DPP6: variants seen among roughly 807,000 people sequenced by gnomAD.
DPP6 encodes the protein A-type potassium channel modulatory protein DPP6.
Under a neutral mutation model 122.6 loss-of-function variants are expected in DPP6, and 69 were observed. The ratio of observed to expected loss-of-function variants is 0.56; its 90% CI spans 0.46 to 0.69. DPP6 has a LOEUF of 0.69. DPP6 is among the 30% of genes least tolerant of loss of function. The probability of loss-of-function intolerance (pLI) is 0.00; values close to 1 mark genes in which losing one functional copy is unlikely to be tolerated. For synonymous variants in DPP6, 418 were observed against 433.1 expected, an observed-to-expected ratio of 0.97 and a Z score of 0.43; for missense variants, 928 against 1,116.9, an observed-to-expected ratio of 0.83 and a Z score of 2.41.
At chr7:154,889,805 G>T in intron 25 of DPP6, 1 of 475,392 alleles carries the variant, frequency 2.1e-6, no homozygotes, top group Non-Finnish European at 3.7e-6. Flanking sequence ...CCCTCCTCCG[G>T]GCAGTGAGAA....
At chr7:154,221,216 C>T (rs1316930549) in intron 1 of DPP6, among the ~76,000 whole-genome samples, 1 of 152,172 alleles carries the variant, frequency 6.6e-6, no homozygotes, top group Non-Finnish European at 1.5e-5. Context: ...CCTCGGCTCA[C>T]TGCAACTTCC....
chr7:153,921,882 G>A (rs1162505810), intron 1 of DPP6, among the ~76,000 whole-genome samples: 1 of 152,232 alleles, frequency 6.6e-6, no homozygotes, highest in African/African-American at 2.4e-5. Flanking sequence ...AAGTTAGCTG[G>A]GTCTGAGGAG....
intron 1 of DPP6, among the ~76,000 whole-genome samples, chr7:154,263,795 A>G (rs970258168): frequency 6.6e-6 from 1 of 152,062 alleles, no homozygotes; most frequent in Non-Finnish European, 1.5e-5. Flanking sequence ...GGTTCAAGTG[A>G]TTCTCCTGCC....
chr7:154,838,738 A>G (rs1398958266), intron 16 of DPP6: 6 of 152,250 alleles, frequency 3.9e-5, no homozygotes, highest in African/African-American at 1.4e-4. Flanking sequence ...GTGCCTCCTT[A>G]TAAGTGACCT....
At chr7:153,930,863 G>A (rs1801139007) in intron 1 of DPP6, among the ~76,000 whole-genome samples, 1 of 152,150 alleles carries the variant, frequency 6.6e-6, no homozygotes, top group South Asian at 2.1e-4. Flanking sequence ...GGAGGGACTG[G>A]GTTTGGGGAA....
chr7:154,883,113 ACATG>A (rs1370148490), intron 21 of DPP6, among the ~76,000 whole-genome samples: 21 of 150,872 alleles, frequency 1.4e-4, no homozygotes, highest in African/African-American at 3.2e-4. Flanking sequence ...GCTCTCACAT[ACATG>A]TGCTCACACA....
chr7:153,766,577 A>G, the DPP6 span, among the ~76,000 whole-genome samples: 1 of 152,290 alleles, frequency 6.6e-6, no homozygotes, highest in Non-Finnish European at 1.5e-5. Context: ...CAGTGAAGAT[A>G]CAAGAGTGAC....
At chr7:154,725,277 T>A (rs1305736677) in intron 7 of DPP6, among the ~76,000 whole-genome samples, 2 of 152,166 alleles carry the variant, frequency 1.3e-5, no homozygotes, top group African/African-American at 4.8e-5. Context: ...AATAATCCAA[T>A]TTGATATTGT....
chr7:154,061,639 G>A (rs1187507302), intron 1 of DPP6, among the ~76,000 whole-genome samples: 2 of 122,008 alleles, frequency 1.6e-5, no homozygotes, highest in East Asian at 4.5e-4. Flanking sequence ...CACCCGCTGC[G>A]AGGCGGGGAC....
In DPP6 at chr7:154,827,199, G is replaced by GAC. The variant is rs113467683; in HGVS notation, c.1666+20112_1666+20113dup. ...CTACACTGAAATCCACCCCCTCCCA[G>GAC]ACACACACACACACACACACACACA... On this transcript the variant is annotated intron_variant, in intron 16 of 25. Transcript: ENST00000377770. Among the ~76,000 whole-genome samples the GAC allele has an allele frequency of 1.3e-3, 188 of 146,636 alleles. 1 individual carries two copies. The highest frequency in any genetic ancestry group is 4.4e-3 in the East Asian group (22 of 5,034).
rs1398186230 is a variant in DPP6, at chr7:154,420,579, CA to C, written c.244-25634del. Among the ~76,000 whole-genome samples the C allele has an allele frequency of 3.3e-5, 5 of 152,120 alleles. No individual in the cohort carries two copies. The East Asian group carries it at 7.7e-4, about 24-fold the overall frequency. ...GGGGTGGGTAGGGCATGAGGAAATA[CA>C]GTCAAAAAATGCAAAGTTTCCATTT... On this transcript the variant is annotated intron_variant, in intron 1 of 25. Transcript: ENST00000377770.
At chr7:154,456,656 T>C (rs1309924570) in intron 2 of DPP6, among the ~76,000 whole-genome samples, 4 of 152,186 alleles carry the variant, frequency 2.6e-5, no homozygotes, top group Non-Finnish European at 4.4e-5. Flanking sequence ...TGTGGCTACA[T>C]TAAGCATCTG....
At chr7:154,138,540 TG>T (rs1306302700) in intron 1 of DPP6, among the ~76,000 whole-genome samples, 1 of 152,134 alleles carries the variant, frequency 6.6e-6, no homozygotes. Flanking sequence ...AACTTGGCTA[TG>T]GTGGATCAAG....
At chr7:154,313,129 C>T (rs1807051968) in intron 1 of DPP6, among the ~76,000 whole-genome samples, 1 of 152,106 alleles carries the variant, frequency 6.6e-6, no homozygotes, top group African/African-American at 2.4e-5. Flanking sequence ...CCTAATATCC[C>T]ATCCACTTAT....
chr7:154,851,535 AG>A (rs1225278720), intron 16 of DPP6, among the ~76,000 whole-genome samples: 11 of 152,214 alleles, frequency 7.2e-5, no homozygotes, highest in Non-Finnish European at 1.6e-4. Flanking sequence ...CTTAGAGCCA[AG>A]AAACTTAGTT....
intron 1 of DPP6, among the ~76,000 whole-genome samples, chr7:154,054,116 C>A (rs1402311205): frequency 6.6e-6 from 1 of 151,200 alleles, no homozygotes; most frequent in Non-Finnish European, 1.5e-5. Flanking sequence ...ACTATGTATG[C>A]CTTTGAGGAG....
At chr7:154,307,548 CA>C (rs1806461261) in intron 1 of DPP6, among the ~76,000 whole-genome samples, 1 of 151,528 alleles carries the variant, frequency 6.6e-6, no homozygotes, top group African/African-American at 2.4e-5. Flanking sequence ...CCAGATGGGA[CA>C]GGGGGTGAAG....
chr7:154,373,528 A>T (rs942238498), intron 1 of DPP6, among the ~76,000 whole-genome samples: 1 of 152,168 alleles, frequency 6.6e-6, no homozygotes, highest in African/African-American at 2.4e-5. Flanking sequence ...TTTGCACTAA[A>T]TGCAGACTCC....
intron 1 of DPP6, among the ~76,000 whole-genome samples, chr7:154,283,940 A>T (rs897783793): frequency 6.6e-6 from 1 of 152,214 alleles, no homozygotes; most frequent in African/African-American, 2.4e-5. Flanking sequence ...GCTGTTTCAG[A>T]ATTCAAAAAT....
Sources: allele counts gnomAD v4.1 joint callset (sites outside exome capture counted in the v4.1 genomes callset), GRCh38; gene constraint gnomAD v4.1.1; transcripts MANE v1.5; gene names NCBI Gene and HGNC (gene_info 2026-07-23, HGNC 2026-07-21).